The following IMMP2L variants were observed in gnomAD, a reference collection of about 807,000 sequenced individuals.
IMMP2L encodes mitochondrial inner membrane protease subunit 2.
Under a neutral mutation model 19.3 loss-of-function variants are expected in IMMP2L, and 18 were observed. That is an observed-to-expected ratio of 0.93 (90% confidence interval 0.64 to 1.38). The LOEUF is 1.38. Ranked by LOEUF, IMMP2L falls within the 40% of genes most tolerant of loss-of-function variation. IMMP2L has a pLI of 0.00. For synonymous variants in IMMP2L, 76 were observed against 73.0 expected (o/e 1.04, Z -0.21); for missense variants, 233 against 218.2 (o/e 1.07, Z -0.43).
At chr7:110,940,318 C>CA (rs3051992) in intron 4 of IMMP2L, among the ~76,000 whole-genome samples, 7,603 of 127,478 alleles carry the variant, frequency 0.06, 258 homozygotes, top group African/African-American at 0.11. Context: ...GACTCCATCT[C>CA]AAAAAAAAAA....
At chr7:110,751,648 G>A (rs532597422) in intron 5 of IMMP2L, among the ~76,000 whole-genome samples, 1 of 152,038 alleles carries the variant, frequency 6.6e-6, no homozygotes, top group East Asian at 1.9e-4. Flanking sequence ...GCTGTAACAC[G>A]GCAAGTTAGT....
chr7:110,902,479 AATATATAT>A (rs67367468), intron 4 of IMMP2L, among the ~76,000 whole-genome samples: 7 of 140,552 alleles, frequency 5.0e-5, no homozygotes, highest in Admixed American at 2.1e-4. Flanking sequence ...TGAATGATAA[AATATATAT>A]ATATATATAT....
intron 3 of IMMP2L, chr7:111,392,808 T>C (rs1365285431): frequency 6.6e-6 from 3 of 456,468 alleles, no homozygotes; most frequent in Non-Finnish European, 1.3e-5. Context: ...TTACCATTAC[T>C]GGTGCATTAA....
intron 5 of IMMP2L, among the ~76,000 whole-genome samples, chr7:110,667,368 G>A (rs908427544): frequency 5.3e-5 from 8 of 152,160 alleles, no homozygotes; most frequent in Non-Finnish European, 1.0e-4. Flanking sequence ...TAGGCAGAAT[G>A]ATGCCGCCCC....
chr7:110,663,445 ATTAT>A lies in IMMP2L; in HGVS notation c.*153_*156del, dbSNP rs1791209497. ...ATTTAATACTGTTTAACATTTGAAA[ATTAT>A]TTATTTAATAATACAGATCGTTTTA... On this transcript the variant is annotated 3_prime_UTR_variant, in exon 6 of 6. Coordinates refer to ENST00000405709, the MANE Select transcript of IMMP2L (RefSeq NM_032549.4). 2 of 585,998 alleles carry A rather than the reference ATTAT, an allele frequency of 3.4e-6. No homozygotes were observed. The highest frequency in any genetic ancestry group is 5.7e-6 in the Non-Finnish European group (2 of 350,724). 36.3% of individuals were successfully genotyped at this position (585,998 alleles called of 1,614,324 possible). A position where few individuals can be genotyped will look rare whatever the true frequency, so the allele number is the denominator to read the frequency against.
chr7:110,765,939 C>G (rs1175077529), intron 5 of IMMP2L, among the ~76,000 whole-genome samples: 1 of 152,056 alleles, frequency 6.6e-6, no homozygotes, highest in Non-Finnish European at 1.5e-5. Flanking sequence ...TGTGCCTCAT[C>G]CTATTTTTTA....
intron 3 of IMMP2L, among the ~76,000 whole-genome samples, chr7:111,318,478 T>C (rs962387608): frequency 2.0e-5 from 3 of 152,268 alleles, no homozygotes; most frequent in East Asian, 1.9e-4. Context: ...GATTTTACCA[T>C]AGAAATCATC....
intron 5 of IMMP2L, among the ~76,000 whole-genome samples, chr7:110,828,922 TATA>T (rs1803726971): frequency 1.3e-5 from 2 of 152,182 alleles, no homozygotes; most frequent in Admixed American, 1.3e-4. Context: ...AATCCTCAAC[TATA>T]ATGAGTATAA....
At chr7:110,698,543 T>C (rs1212895108) in intron 5 of IMMP2L, among the ~76,000 whole-genome samples, 1 of 152,158 alleles carries the variant, frequency 6.6e-6, no homozygotes, top group Non-Finnish European at 1.5e-5. Context: ...TCCTCTTTCA[T>C]CCTTTCTAGA....
At chr7:111,132,614 T>C (rs1801958010) in intron 3 of IMMP2L, among the ~76,000 whole-genome samples, 1 of 152,044 alleles carries the variant, frequency 6.6e-6, no homozygotes, top group Non-Finnish European at 1.5e-5. Flanking sequence ...TGTAATCTAT[T>C]GCAAATCTTG....
chr7:110,684,118 G>A (rs1792936343), intron 5 of IMMP2L, among the ~76,000 whole-genome samples: 1 of 152,082 alleles, frequency 6.6e-6, no homozygotes, highest in African/African-American at 2.4e-5. Context: ...TGACAGATGA[G>A]CCATGTCAAA....
intron 2 of IMMP2L, among the ~76,000 whole-genome samples, chr7:111,490,890 A>G (rs1212578195): frequency 2.0e-5 from 3 of 152,152 alleles, no homozygotes; most frequent in Non-Finnish European, 4.4e-5. Flanking sequence ...AATATAGTTG[A>G]CCCTTGAATA....
chr7:110,677,284 G>A (rs1792378645), intron 5 of IMMP2L, among the ~76,000 whole-genome samples: 1 of 152,006 alleles, frequency 6.6e-6, no homozygotes, highest in African/African-American at 2.4e-5. Context: ...ATATCACATG[G>A]AAAAATGAGC....
intron 3 of IMMP2L, among the ~76,000 whole-genome samples, chr7:111,252,278 A>G (rs1229058279): frequency 1.3e-5 from 2 of 152,174 alleles, no homozygotes; most frequent in Non-Finnish European, 2.9e-5. Flanking sequence ...ACAAACTCAA[A>G]GTGTATGTAC....
chr7:111,510,442 T>C (rs10268794), intron 2 of IMMP2L, among the ~76,000 whole-genome samples: 13,559 of 152,078 alleles, frequency 0.089, 742 homozygotes, highest in Middle Eastern at 0.14. Context: ...AGATATCCTG[T>C]ATATTATGAT....
intron 1 of IMMP2L, among the ~76,000 whole-genome samples, chr7:111,556,038 A>ATATATATATATATATATG: frequency 1.4e-5 from 2 of 138,104 alleles, no homozygotes; most frequent in Admixed American, 7.4e-5. Context: ...ATATATATAC[A>ATATATATATATATATATG]TACCCAAAGA....
intron 5 of IMMP2L, among the ~76,000 whole-genome samples, chr7:110,721,642 A>G (rs893408366): frequency 1.3e-5 from 2 of 152,290 alleles, no homozygotes; most frequent in South Asian, 2.1e-4. Flanking sequence ...AGTCTCTTCA[A>G]TTACCTCAGA....
chr7:111,439,084 C>T (rs1447307937), intron 3 of IMMP2L, among the ~76,000 whole-genome samples: 1 of 151,826 alleles, frequency 6.6e-6, no homozygotes, highest in African/African-American at 2.4e-5. Flanking sequence ...TTGACTACAC[C>T]AGGGACATAC....
intron 2 of IMMP2L, among the ~76,000 whole-genome samples, chr7:111,515,330 C>T (rs773487451): frequency 6.6e-6 from 1 of 152,092 alleles, no homozygotes; most frequent in Non-Finnish European, 1.5e-5. Context: ...ATTTTTCTTA[C>T]AGAACAGATT....
Sources: allele counts gnomAD v4.1 joint callset (sites outside exome capture counted in the v4.1 genomes callset), GRCh38; gene constraint gnomAD v4.1.1; transcripts MANE v1.5; gene names NCBI Gene and HGNC (gene_info 2026-07-23, HGNC 2026-07-21).